GSE1: variants seen among roughly 807,000 people sequenced by gnomAD.
The protein encoded by GSE1 is Gse1 coiled-coil protein, also known as genetic suppressor element 1.
Under a neutral mutation model 112.6 loss-of-function variants are expected in GSE1, and 32 were observed. That is an observed-to-expected ratio of 0.28 (90% CI 0.21 to 0.38). GSE1 has a LOEUF of 0.38. GSE1 is among the 10% of genes least tolerant of loss of function. GSE1 has a pLI of 1.00. For missense variants in GSE1, 2,348 were observed against 1,699.2 expected, an observed-to-expected ratio of 1.38 and a Z score of -6.71; for synonymous variants, 1,115 against 735.6, an observed-to-expected ratio of 1.52 and a Z score of -8.35.
chr16:85,310,811 C>T (rs548986706), intron 1 of GSE1, among the ~76,000 whole-genome samples: 6 of 151,964 alleles, frequency 3.9e-5, no homozygotes, highest in East Asian at 1.9e-4. Context: ...CAGCCCAGCC[C>T]CTCCCCTCAA....
intron 2 of GSE1, among the ~76,000 whole-genome samples, chr16:85,425,121 G>C (rs1031803060): frequency 1.3e-5 from 2 of 152,240 alleles, no homozygotes; most frequent in Non-Finnish European, 2.9e-5. Flanking sequence ...GGGGCGGGGG[G>C]TTGTCCCAGC....
At chr16:85,171,115 G>T in exon 1 of GSE1, 1 of 985,682 alleles carries the variant, frequency 1.0e-6, no homozygotes, top group Non-Finnish European at 1.2e-6. Flanking sequence ...GCGCTGTGAA[G>T]TCCGCAGCTG....
chr16:85,581,163 C>A (rs1360210050), intron 1 of GSE1, among the ~76,000 whole-genome samples: 3 of 152,182 alleles, frequency 2.0e-5, no homozygotes, highest in Admixed American at 1.3e-4. Flanking sequence ...ACATGGGCTC[C>A]TCTCTCCGCA....
chr16:85,349,542 G>C (rs2046810759), intron 1 of GSE1, among the ~76,000 whole-genome samples: 1 of 152,072 alleles, frequency 6.6e-6, no homozygotes, highest in Admixed American at 6.5e-5. Flanking sequence ...AGCAGGGGCA[G>C]GGGCCTCTGG....
chr16:85,462,578 A>T (rs981324967), intron 2 of GSE1, among the ~76,000 whole-genome samples: 4 of 151,504 alleles, frequency 2.6e-5, no homozygotes, highest in African/African-American at 9.7e-5. Flanking sequence ...GCGGAGCCTT[A>T]ATTAGCAGCG....
At chr16:85,219,729 T>A (rs1028439593) in intron 1 of GSE1, among the ~76,000 whole-genome samples, 2 of 152,216 alleles carry the variant, frequency 1.3e-5, no homozygotes, top group Admixed American at 1.3e-4. Context: ...TTTTCCAGAA[T>A]TGTATTTGGA....
chr16:85,649,896 G>T (rs1344787353), intron 3 of GSE1, among the ~76,000 whole-genome samples: 1 of 152,166 alleles, frequency 6.6e-6, no homozygotes, highest in Non-Finnish European at 1.5e-5. Flanking sequence ...AGAGGTGTGG[G>T]AAGGGAGCCA....
chr16:85,551,158 C>T (rs2044896099), upstream of GSE1, among the ~76,000 whole-genome samples: 1 of 152,204 alleles, frequency 6.6e-6, no homozygotes, highest in East Asian at 1.9e-4. Context: ...AAATGTCTGA[C>T]TCCTCCCCAG....
chr16:85,262,304 T>C (rs1354558652), intron 1 of GSE1, among the ~76,000 whole-genome samples: 1 of 152,202 alleles, frequency 6.6e-6, no homozygotes, highest in Non-Finnish European at 1.5e-5. Flanking sequence ...GCTTTGAACA[T>C]ATTTCCTTTT....
intron 1 of GSE1, among the ~76,000 whole-genome samples, chr16:85,191,913 CCAGGGTGGG>C (rs2074831395): frequency 6.6e-6 from 1 of 152,078 alleles, no homozygotes; most frequent in African/African-American, 2.4e-5. Context: ...AGCAGGGTCT[CCAGGGTGGG>C]CAGGCATGGG....
chr16:85,483,728 G>C (rs560536837), intron 2 of GSE1, among the ~76,000 whole-genome samples: 1 of 152,270 alleles, frequency 6.6e-6, no homozygotes, highest in Non-Finnish European at 1.5e-5. Context: ...GAGGGAGCCC[G>C]TCCCCGTGTA....
chr16:85,478,651 G>C (rs1419887059), intron 2 of GSE1, among the ~76,000 whole-genome samples: 2 of 151,518 alleles, frequency 1.3e-5, no homozygotes, highest in Non-Finnish European at 2.9e-5. Flanking sequence ...GAACGTTCTT[G>C]CATAAGGTTT....
intron 1 of GSE1, among the ~76,000 whole-genome samples, chr16:85,615,568 A>G (rs1026028266): frequency 2.0e-4 from 31 of 152,164 alleles, no homozygotes. Flanking sequence ...AGAGCCCGCC[A>G]GGAGCCTCCG....
chr16:85,516,699 T>C (rs1253852270), intron 2 of GSE1, among the ~76,000 whole-genome samples: 1 of 151,948 alleles, frequency 6.6e-6, no homozygotes, highest in Non-Finnish European at 1.5e-5. Context: ...CCCCTGCCAT[T>C]TTTTCCACCT....
At chr16:85,527,060 G>T (rs368585320) in intron 2 of GSE1, among the ~76,000 whole-genome samples, 84 of 152,298 alleles carry the variant, frequency 5.5e-4, no homozygotes, top group African/African-American at 1.9e-3. Flanking sequence ...CTCTCCCTGC[G>T]TTCACCTCTC....
intron 1 of GSE1, among the ~76,000 whole-genome samples, chr16:85,252,451 G>T (rs959441528): frequency 6.6e-6 from 1 of 150,482 alleles, no homozygotes; most frequent in African/African-American, 2.4e-5. Flanking sequence ...GTTTAAGGGG[G>T]ACAACCCCCG....
intron 1 of GSE1, among the ~76,000 whole-genome samples, chr16:85,624,000 C>G (rs532142566): frequency 4.6e-4 from 70 of 152,314 alleles, no homozygotes; most frequent in Non-Finnish European, 7.1e-4. Context: ...GATCCTCTCT[C>G]CCTCCCACTT....
rs1257692798 is a variant in GSE1, at chr16:85,481,913, A to C, written c.2464+124270A>C. 2.0e-5 allele frequency among the ~76,000 whole-genome samples: 3 copies of C among 152,356 alleles called. No individual in the cohort carries two copies. In the South Asian group the frequency reaches 6.2e-4, roughly 32 times the overall value. ...GGTGCAGGGCAGCCCTCCAGCCGGC[A>C]TCCACATTCTCAGCCGCCGACGGAC... On this transcript the variant is annotated intron_variant, in intron 2 of 2. Transcript: ENST00000637419.
intron 13 of GSE1, 147 bp downstream of exon 13, chr16:85,666,494 G>A (rs928801199): frequency 9.7e-5 from 71 of 734,190 alleles, no homozygotes; most frequent in Middle Eastern, 3.9e-4. Flanking sequence ...TCGTTATTAT[G>A]CCAAAACCAT....
Sources: allele counts gnomAD v4.1 joint callset (sites outside exome capture counted in the v4.1 genomes callset), GRCh38; gene constraint gnomAD v4.1.1; transcripts MANE v1.5; gene names NCBI Gene and HGNC (gene_info 2026-07-23, HGNC 2026-07-21).